SEMA6D: variants seen among roughly 807,000 people sequenced by gnomAD.
SEMA6D encodes the protein semaphorin-6D.
Under a neutral mutation model 106.6 loss-of-function variants are expected in SEMA6D, and 35 were observed. The observed-to-expected ratio is 0.33, with a 90% confidence interval of 0.25 to 0.44. The LOEUF is 0.44. Among genes scored for constraint, SEMA6D ranks in the 20% least tolerant of loss-of-function variants. SEMA6D has a pLI of 1.00. For synonymous variants in SEMA6D, 499 were observed against 487.7 expected, an observed-to-expected ratio of 1.02 and a Z score of -0.31; for missense variants, 1,185 against 1,345.9, an observed-to-expected ratio of 0.88 and a Z score of 1.87.
chr15:47,537,653 TG>T (rs1286365255), intron 3 of SEMA6D, among the ~76,000 whole-genome samples: 3 of 152,158 alleles, frequency 2.0e-5, no homozygotes, highest in African/African-American at 7.2e-5. Flanking sequence ...GCAAGGATGT[TG>T]GCAGTTGGAA....
intron 3 of SEMA6D, among the ~76,000 whole-genome samples, chr15:47,564,772 C>T (rs543048527): frequency 2.6e-5 from 4 of 152,156 alleles, no homozygotes; most frequent in Admixed American, 2.6e-4. Context: ...TTGCCTTTTC[C>T]TAAACCACCC....
rs1203414550 is a variant in SEMA6D, at chr15:47,770,932, G to A, written c.2369G>A (p.Ser790Asn). The change falls in exon 19 of 19, where the codon AGC becomes AAC. Residue 790 changes from serine (S) to asparagine (N), a missense_variant. Physicochemically the swap from Ser to Asn is conservative, Grantham distance 46. Coordinates refer to ENST00000536845, the MANE Select transcript of SEMA6D (RefSeq NM_001358351.3). Reference sequence around the variant, plus strand: ...CAGAAGACCCTGCAGGCCATGAAGAGCCACTCAGAAAAGGCCCATGGCCAT... The same window carrying A: ...CAGAAGACCCTGCAGGCCATGAAGAACCACTCAGAAAAGGCCCATGGCCAT... Reference protein sequence around the residue: ...LHQKTLQAMKSHSEKAHGHGA... With the variant: ...LHQKTLQAMKNHSEKAHGHGA... 1.9e-6 allele frequency: 3 copies of A among 1,614,076 alleles called. No individual in the cohort carries two copies. Among genetic ancestry groups the A allele is most frequent in the Non-Finnish European group, 2.5e-6 (3 of 1,180,010 alleles).
chr15:47,503,258 C>T, intron 3 of SEMA6D, among the ~76,000 whole-genome samples: 1 of 152,142 alleles, frequency 6.6e-6, no homozygotes. Flanking sequence ...TCTGTATTCT[C>T]TTTGAAGTAA....
At chr15:47,208,165 A>T (rs528959718) in intron 1 of SEMA6D, among the ~76,000 whole-genome samples, 1 of 152,264 alleles carries the variant, frequency 6.6e-6, no homozygotes, top group Non-Finnish European at 1.5e-5. Context: ...ACTGGTCTTT[A>T]GTTTCCACAT....
intron 4 of SEMA6D, among the ~76,000 whole-genome samples, chr15:47,619,774 AAAATG>A (rs1162613707): frequency 6.6e-6 from 1 of 152,206 alleles, no homozygotes; most frequent in African/African-American, 2.4e-5. Flanking sequence ...ATTACTTTTA[AAAATG>A]AAATGATGAT....
At chr15:47,384,942 G>A (rs1050637845) in intron 1 of SEMA6D, among the ~76,000 whole-genome samples, 125 of 144,590 alleles carry the variant, frequency 8.6e-4, no homozygotes, top group Middle Eastern at 3.7e-3. Context: ...CAAAATGAAC[G>A]AAGGCTGATT....
At chr15:47,389,812 G>A (rs571203517) in intron 1 of SEMA6D, among the ~76,000 whole-genome samples, 12 of 152,164 alleles carry the variant, frequency 7.9e-5, no homozygotes, top group Middle Eastern at 3.4e-3. Flanking sequence ...AGTATTATTA[G>A]TTCTGCCTCC....
At chr15:47,339,764 T>C (rs191097114) in intron 1 of SEMA6D, among the ~76,000 whole-genome samples, 1,675 of 151,838 alleles carry the variant, frequency 0.011, 13 homozygotes, top group Non-Finnish European at 0.014. Context: ...GAGGCTGAGG[T>C]GGGAGAATCA....
At chr15:47,212,201 T>C (rs2030094530) in intron 1 of SEMA6D, among the ~76,000 whole-genome samples, 1 of 152,204 alleles carries the variant, frequency 6.6e-6, no homozygotes, top group African/African-American at 2.4e-5. Flanking sequence ...ATTTAGGACA[T>C]ATGCAAGGAT....
intron 3 of SEMA6D, among the ~76,000 whole-genome samples, chr15:47,550,948 C>T (rs997372762): frequency 6.6e-6 from 1 of 151,930 alleles, no homozygotes; most frequent in African/African-American, 2.4e-5. Context: ...TGCACATTTG[C>T]CATAAAATAG....
At chr15:47,429,286 C>T (rs528656374) in intron 2 of SEMA6D, among the ~76,000 whole-genome samples, 65 of 152,086 alleles carry the variant, frequency 4.3e-4, no homozygotes, top group Non-Finnish European at 6.0e-4. Flanking sequence ...TTAAATTTTC[C>T]GAGTCCTCTT....
At chr15:47,330,652 A>T (rs1345878570) in intron 1 of SEMA6D, among the ~76,000 whole-genome samples, 1 of 152,200 alleles carries the variant, frequency 6.6e-6, no homozygotes, top group Non-Finnish European at 1.5e-5. Context: ...GGTAAGTAAG[A>T]CATAGTCCCT....
At chr15:47,534,190 C>T (rs2045075322) in intron 3 of SEMA6D, among the ~76,000 whole-genome samples, 1 of 151,880 alleles carries the variant, frequency 6.6e-6, no homozygotes, top group Non-Finnish European at 1.5e-5. Context: ...CCAAAAATGC[C>T]TTCTTTTTTT....
intron 2 of SEMA6D, among the ~76,000 whole-genome samples, chr15:47,461,486 A>G (rs1173004063): frequency 6.6e-6 from 1 of 152,110 alleles, no homozygotes; most frequent in Non-Finnish European, 1.5e-5. Context: ...AGTTGAATCT[A>G]GTAGACCAAG....
At chr15:47,533,144 T>C (rs1199748189) in intron 3 of SEMA6D, among the ~76,000 whole-genome samples, 1 of 152,242 alleles carries the variant, frequency 6.6e-6, no homozygotes, top group Non-Finnish European at 1.5e-5. Flanking sequence ...CTAAAGTTTT[T>C]ATCCCTGAGA....
At chr15:47,578,557 T>C (rs553501125) in intron 3 of SEMA6D, among the ~76,000 whole-genome samples, 6 of 152,350 alleles carry the variant, frequency 3.9e-5, no homozygotes, top group African/African-American at 1.4e-4. Flanking sequence ...AACACTTCCA[T>C]GTCTTTATAA....
chr15:47,277,066 A>C (rs35255262), intron 1 of SEMA6D, among the ~76,000 whole-genome samples: 49,542 of 151,996 alleles, frequency 0.33, 8,432 homozygotes, highest in Middle Eastern at 0.5. Context: ...ATTAATAGAC[A>C]TGAAGCCTGA....
chr15:47,761,796 A>C, intron 7 of SEMA6D, 45 bp downstream of exon 7: 1 of 1,454,582 alleles, frequency 6.9e-7, no homozygotes, highest in South Asian at 1.2e-5. Context: ...AATGACATTG[A>C]AGGTGAAAAA....
intron 4 of SEMA6D, among the ~76,000 whole-genome samples, chr15:47,700,571 T>C (rs1032092033): frequency 2.0e-5 from 3 of 151,988 alleles, no homozygotes; most frequent in African/African-American, 7.2e-5. Context: ...ATAAATAATT[T>C]TTAAAAATTG....
Sources: allele counts gnomAD v4.1 joint callset (sites outside exome capture counted in the v4.1 genomes callset), GRCh38; gene constraint gnomAD v4.1.1; transcripts MANE v1.5; gene names NCBI Gene and HGNC (gene_info 2026-07-23, HGNC 2026-07-21).